Variants in PHKB observed in about 807,000 individuals in gnomAD.
The protein encoded by PHKB is phosphorylase kinase regulatory subunit beta, also known as phosphorylase b kinase regulatory subunit beta.
In PHKB, 122 loss-of-function variants were observed where a neutral mutation model predicts 152.1. That is an observed-to-expected ratio of 0.80 (90% CI 0.69 to 0.93). The LOEUF (loss-of-function observed/expected upper bound fraction) is 0.93, where lower values mean the gene tolerates loss of function less well. Ranked by LOEUF, PHKB falls within the 40% of genes least tolerant of loss-of-function variation. PHKB has a pLI of 0.00. For missense variants in PHKB, 1,304 were observed against 1,328.4 expected (o/e 0.98, Z 0.29); for synonymous variants, 436 against 464.9 (o/e 0.94, Z 0.80).
chr16:47,477,233 A>G (rs1969884033), intron 1 of PHKB, among the ~76,000 whole-genome samples: 1 of 152,228 alleles, frequency 6.6e-6, no homozygotes, highest in South Asian at 2.1e-4. Context: ...ATGTCACTGC[A>G]TTGCTATTAG....
chr16:47,663,609 A>G (rs1973481854), intron 23 of PHKB, 68 bp from the exon 24 acceptor site: 1 of 1,294,996 alleles, frequency 7.7e-7, no homozygotes, highest in East Asian at 2.3e-5. Flanking sequence ...AGTACTTTTA[A>G]GAGGAATAAA....
At chr16:47,610,998 G>A (rs751705114) in intron 14 of PHKB, 78 bp downstream of exon 14, 2 of 888,048 alleles carry the variant, frequency 2.3e-6, no homozygotes, top group Non-Finnish European at 3.8e-6. Context: ...TTTTTGTTCT[G>A]AATAGGTTTT....
chr16:47,574,004 C>T (rs925598773), intron 7 of PHKB, among the ~76,000 whole-genome samples: 4 of 152,340 alleles, frequency 2.6e-5, no homozygotes, highest in African/African-American at 9.6e-5. Context: ...ACTGCAACCT[C>T]CACCTCCCGG....
intron 1 of PHKB, among the ~76,000 whole-genome samples, chr16:47,490,797 GTTGTGCTTTCAT>G (rs1366750403): frequency 2.0e-5 from 3 of 152,130 alleles, no homozygotes; most frequent in Non-Finnish European, 2.9e-5. Context: ...AGAGTACCCT[GTTGTGCTTTCAT>G]TCCAATGCTC....
intron 14 of PHKB, among the ~76,000 whole-genome samples, chr16:47,630,822 G>C (rs1040891552): frequency 2.0e-5 from 3 of 152,180 alleles, no homozygotes; most frequent in African/African-American, 4.8e-5. Context: ...CTAAAAGTCT[G>C]AAAAGAACAA....
intron 1 of PHKB, among the ~76,000 whole-genome samples, chr16:47,493,453 G>T (rs1970183746): frequency 6.6e-6 from 1 of 152,114 alleles, no homozygotes; most frequent in South Asian, 2.1e-4. Flanking sequence ...AGATAAACTA[G>T]TTGAGGTATT....
chr16:47,581,532 C>CCAG, intron 8 of PHKB, among the ~76,000 whole-genome samples: 1 of 148,570 alleles, frequency 6.7e-6, no homozygotes, highest in Middle Eastern at 3.5e-3. Context: ...GGCTATTTAA[C>CCAG]TAAGCCTCAG....
chr16:47,537,704 A>G (rs1048212406), intron 6 of PHKB, among the ~76,000 whole-genome samples: 2 of 152,320 alleles, frequency 1.3e-5, no homozygotes, highest in South Asian at 2.1e-4. Flanking sequence ...CTGATGGGGA[A>G]AAAAGCAGAA....
At position 47,479,645 on chromosome 16, in the gene PHKB, A is replaced by G. The variant is rs183672289; in HGVS notation, c.77-17754A>G. On this transcript the variant is annotated intron_variant, in intron 1 of 30. Transcript: ENST00000323584. ...AGAGCAGAAGTCTATCTACAGCATC[A>G]TATTTGTTGAGCAGCAGTCCTTTGT... Among the ~76,000 whole-genome samples the G allele has an allele frequency of 2.0e-3, 305 of 152,266 alleles. 1 individual carries two copies. Among genetic ancestry groups the G allele is most frequent in the Non-Finnish European group, 3.4e-3 (233 of 68,016 alleles).
intron 3 of PHKB, 58 bp from the exon 4 acceptor site, chr16:47,502,933 T>C: frequency 9.2e-7 from 1 of 1,085,892 alleles, no homozygotes; most frequent in Middle Eastern, 2.0e-4. Flanking sequence ...TATCAAAAGC[T>C]CTGCTTCCTT....
At chr16:47,667,170 C>T (rs1027688032) in intron 25 of PHKB, among the ~76,000 whole-genome samples, 4 of 152,034 alleles carry the variant, frequency 2.6e-5, no homozygotes, top group Non-Finnish European at 4.4e-5. Context: ...TGGTGGCTCA[C>T]ACCTGTAATC....
chr16:47,654,755 G>T (rs1442242144), intron 20 of PHKB, among the ~76,000 whole-genome samples: 2 of 146,804 alleles, frequency 1.4e-5, no homozygotes, highest in Non-Finnish European at 3.0e-5. Context: ...TGAACAATGA[G>T]AACACTTGGA....
At chr16:47,524,754 T>G (rs542027270) in intron 6 of PHKB, among the ~76,000 whole-genome samples, 36 of 152,362 alleles carry the variant, frequency 2.4e-4, no homozygotes, top group African/African-American at 7.5e-4. Context: ...AACGTTAGTA[T>G]TCATTTGTGT....
At chr16:47,597,724 G>A (rs1334971837) in intron 13 of PHKB, 13 of 118,666 alleles carry the variant, frequency 1.1e-4, no homozygotes, top group African/African-American at 3.6e-4. Flanking sequence ...ATTTATAGTC[G>A]TATGACTAAG....
intron 7 of PHKB, among the ~76,000 whole-genome samples, chr16:47,549,469 C>T (rs1971232998): frequency 6.6e-6 from 1 of 152,138 alleles, no homozygotes; most frequent in Non-Finnish European, 1.5e-5. Context: ...GCGGGCAGAT[C>T]ACCTGACACC....
intron 19 of PHKB, 79 bp from the exon 20 acceptor site, chr16:47,650,752 A>G: frequency 7.9e-7 from 1 of 1,273,616 alleles, no homozygotes; most frequent in Non-Finnish European, 1.1e-6. Context: ...CTTTGTATAT[A>G]TAAGGGGCAC....
chr16:47,570,670 A>C (rs1971642664), intron 7 of PHKB, among the ~76,000 whole-genome samples: 1 of 151,008 alleles, frequency 6.6e-6, no homozygotes, highest in South Asian at 2.1e-4. Flanking sequence ...AGAAAATTTC[A>C]TTCATATCCT....
chr16:47,550,570 C>T (rs1971254116), intron 7 of PHKB, among the ~76,000 whole-genome samples: 1 of 152,162 alleles, frequency 6.6e-6, no homozygotes, highest in South Asian at 2.1e-4. Flanking sequence ...CTGAGTGTTG[C>T]CTTGGTGCTC....
At chr16:47,555,207 A>G (rs908007904) in intron 7 of PHKB, among the ~76,000 whole-genome samples, 4 of 152,232 alleles carry the variant, frequency 2.6e-5, no homozygotes, top group Non-Finnish European at 4.4e-5. Flanking sequence ...GATAGAAGCT[A>G]CTGTCCAACC....
Sources: gnomAD v4.1 joint callset for allele counts (sites outside exome capture counted in the v4.1 genomes callset) on GRCh38, gnomAD v4.1.1 for gene constraint, MANE v1.5 for transcripts, NCBI Gene and HGNC (gene_info 2026-07-23, HGNC 2026-07-21) for gene names.